The following SNTG1 variants were observed in gnomAD, a reference collection of about 807,000 sequenced individuals.
SNTG1 encodes syntrophin gamma 1.
In SNTG1, 39 loss-of-function variants were observed where a neutral mutation model predicts 74.7. The ratio of observed to expected loss-of-function variants is 0.52; its 90% confidence interval spans 0.40 to 0.68. The LOEUF (loss-of-function observed/expected upper bound fraction) is 0.68. Among genes scored for constraint, SNTG1 ranks in the 30% least tolerant of loss-of-function variants. The pLI, the probability that SNTG1 is intolerant of heterozygous loss-of-function variation, is 0.00. For missense variants in SNTG1, 685 were observed against 609.5 expected, an observed-to-expected ratio of 1.12 and a Z score of -1.30; for synonymous variants, 254 against 217.1, an observed-to-expected ratio of 1.17 and a Z score of -1.49.
chr8:49,944,942 A>G lies in SNTG1; in HGVS notation c.-103+32711A>G, dbSNP rs565128339. ...AGCTGGGACTACATGCGCCCACCACAATGCCTGGCTAATTTTTTTGTATTT... is the reference window on the plus strand; with the variant it reads ...AGCTGGGACTACATGCGCCCACCACGATGCCTGGCTAATTTTTTTGTATTT... On this transcript the variant is annotated intron_variant, in intron 1 of 18. Transcript: ENST00000642720. Among the ~76,000 whole-genome samples the G allele has an allele frequency of 7.9e-5, 12 of 151,976 alleles. No individual in the cohort carries two copies. In the South Asian group the frequency reaches 2.5e-3, roughly 32 times the overall value.
At chr8:50,412,922 T>C (rs2092967788) in intron 4 of SNTG1, among the ~76,000 whole-genome samples, 1 of 152,278 alleles carries the variant, frequency 6.6e-6, no homozygotes, top group African/African-American at 2.4e-5. Flanking sequence ...GCAATTTAAG[T>C]AGGAAAATCA....
chr8:50,076,801 G>A (rs552957652), intron 1 of SNTG1, among the ~76,000 whole-genome samples: 1 of 152,192 alleles, frequency 6.6e-6, no homozygotes, highest in South Asian at 2.1e-4. Context: ...TATTTATAAT[G>A]TATACCGTAT....
intron 11 of SNTG1, among the ~76,000 whole-genome samples, chr8:50,548,817 G>C (rs996522): frequency 0.36 from 54,772 of 152,108 alleles, 12,123 homozygotes; most frequent in African/African-American, 0.63. Flanking sequence ...AATGGATTTT[G>C]ACAGGTAGAA....
intron 2 of SNTG1, among the ~76,000 whole-genome samples, chr8:50,207,573 C>A (rs2084308396): frequency 6.6e-6 from 1 of 152,028 alleles, no homozygotes; most frequent in Non-Finnish European, 1.5e-5. Context: ...TCCTTCAATT[C>A]TGCTCTGATC....
At chr8:50,033,625 C>T (rs1263570645) in intron 1 of SNTG1, among the ~76,000 whole-genome samples, 2 of 152,088 alleles carry the variant, frequency 1.3e-5, no homozygotes, top group Non-Finnish European at 2.9e-5. Context: ...TTGTAGATGG[C>T]TGCTTTCTCC....
chr8:50,496,902 T>C (rs766513724), intron 8 of SNTG1, among the ~76,000 whole-genome samples: 3 of 151,708 alleles, frequency 2.0e-5, no homozygotes, highest in Non-Finnish European at 1.5e-5. Flanking sequence ...TCATTATTAT[T>C]CAAGATATAG....
intron 2 of SNTG1, among the ~76,000 whole-genome samples, chr8:50,380,083 C>T (rs1359701197): frequency 6.6e-6 from 1 of 152,210 alleles, no homozygotes; most frequent in Admixed American, 6.5e-5. Flanking sequence ...TGGACTCTTA[C>T]AAGAGAAGCA....
intron 15 of SNTG1, among the ~76,000 whole-genome samples, chr8:50,676,312 G>A (rs1177836567): frequency 6.6e-6 from 1 of 151,860 alleles, no homozygotes; most frequent in Non-Finnish European, 1.5e-5. Flanking sequence ...CAGAGGCTTT[G>A]TTCATTCCTT....
At chr8:50,665,086 C>T (rs147181926) in intron 15 of SNTG1, among the ~76,000 whole-genome samples, 155 of 152,116 alleles carry the variant, frequency 1.0e-3, no homozygotes, top group African/African-American at 3.5e-3. Context: ...AATAAGTTTA[C>T]ATTTTTGATA....
chr8:50,723,083 T>C (rs1210226591), intron 17 of SNTG1, among the ~76,000 whole-genome samples: 2 of 152,252 alleles, frequency 1.3e-5, no homozygotes, highest in South Asian at 4.1e-4. Context: ...CCTCAGACTA[T>C]CGTGCTAATG....
chr8:50,393,183 A>C (rs987793168), intron 2 of SNTG1, among the ~76,000 whole-genome samples: 6 of 152,130 alleles, frequency 3.9e-5, no homozygotes, highest in African/African-American at 1.2e-4. Context: ...TATATGATGC[A>C]TTTGGTTACT....
chr8:49,952,426 A>G (rs181514324), intron 1 of SNTG1, among the ~76,000 whole-genome samples: 12 of 152,324 alleles, frequency 7.9e-5, no homozygotes, highest in South Asian at 2.1e-4. Context: ...GGCATTCCAC[A>G]GAAGAGAAAC....
At chr8:50,191,955 A>C (rs1417875332) in intron 2 of SNTG1, among the ~76,000 whole-genome samples, 1 of 152,164 alleles carries the variant, frequency 6.6e-6, no homozygotes, top group Admixed American at 6.6e-5. Flanking sequence ...GCTGGGGCCT[A>C]ATTAAACTAA....
At chr8:50,759,523 A>G (rs905702571) in intron 18 of SNTG1, among the ~76,000 whole-genome samples, 1 of 152,090 alleles carries the variant, frequency 6.6e-6, no homozygotes, top group Non-Finnish European at 1.5e-5. Flanking sequence ...AGTTTTCTGC[A>G]TATGGCTAGC....
chr8:49,958,709 A>T (rs753728562), intron 1 of SNTG1, among the ~76,000 whole-genome samples: 1 of 152,324 alleles, frequency 6.6e-6, no homozygotes, highest in East Asian at 1.9e-4. Context: ...GTGAGCCACT[A>T]CGCCCAGCCA....
chr8:50,531,327 AC>A (rs1009766736), intron 10 of SNTG1, among the ~76,000 whole-genome samples: 9 of 147,476 alleles, frequency 6.1e-5, no homozygotes, highest in African/African-American at 1.8e-4. Context: ...CATCTTTGAA[AC>A]TTTTTTTTTT....
At chr8:50,376,756 T>TATATAGAGAGAGAGAGAGAG (rs1381048539) in intron 2 of SNTG1, among the ~76,000 whole-genome samples, 69 of 89,946 alleles carry the variant, frequency 7.7e-4, no homozygotes, top group Non-Finnish European at 1.3e-3. Context: ...TATATATATA[T>TATATAGAGAGAGAGAGAGAG]AGAGAGAGAG....
chr8:50,437,837 G>A (rs1189340570), intron 4 of SNTG1, among the ~76,000 whole-genome samples: 1 of 152,106 alleles, frequency 6.6e-6, no homozygotes, highest in Admixed American at 6.6e-5. Context: ...AAAATTACAG[G>A]ATTTGTCTAA....
intron 2 of SNTG1, among the ~76,000 whole-genome samples, chr8:50,297,570 T>A (rs2089444342): frequency 6.6e-6 from 1 of 152,160 alleles, no homozygotes; most frequent in South Asian, 2.1e-4. Context: ...AGCAATGTGA[T>A]ACTTCAACAG....
Sources: gnomAD v4.1 joint callset for allele counts (sites outside exome capture counted in the v4.1 genomes callset) on GRCh38, gnomAD v4.1.1 for gene constraint, MANE v1.5 for transcripts, NCBI Gene and HGNC (gene_info 2026-07-23, HGNC 2026-07-21) for gene names.